CCBE1: variants seen among roughly 807,000 people sequenced by gnomAD.
CCBE1 encodes the protein collagen and calcium binding EGF domains 1.
In CCBE1, 37 loss-of-function variants were observed where a neutral mutation model predicts 50.0. The ratio of observed to expected loss-of-function variants is 0.74; its 90% CI spans 0.57 to 0.97. The LOEUF is 0.97. Ranked by LOEUF, CCBE1 falls within the 50% of genes least tolerant of loss-of-function variation. The pLI, the probability that CCBE1 is intolerant of heterozygous loss-of-function variation, is 0.00. For missense variants in CCBE1, 538 were observed against 523.8 expected, an observed-to-expected ratio of 1.03 and a Z score of -0.26; for synonymous variants, 234 against 203.7, an observed-to-expected ratio of 1.15 and a Z score of -1.27.
chr18:59,510,325 C>T (rs572349956), intron 2 of CCBE1, among the ~76,000 whole-genome samples: 194 of 152,294 alleles, frequency 1.3e-3, no homozygotes, highest in African/African-American at 4.5e-3. Flanking sequence ...AATTCTGCCA[C>T]CTCTACTGTT....
intron 2 of CCBE1, among the ~76,000 whole-genome samples, chr18:59,516,178 CA>C (rs965572918): frequency 1.3e-5 from 2 of 151,980 alleles, no homozygotes; most frequent in African/African-American, 4.8e-5. Context: ...AGTCTGGTCT[CA>C]AACTCCTGAC....
chr18:59,634,557 G>A (rs2053892354), intron 2 of CCBE1, among the ~76,000 whole-genome samples: 1 of 152,132 alleles, frequency 6.6e-6, no homozygotes, highest in African/African-American at 2.4e-5. Flanking sequence ...GAAAAATACC[G>A]AGGAAAGCAA....
At chr18:59,459,083 A>T (rs903064116) in intron 5 of CCBE1, 3 of 152,238 alleles carry the variant, frequency 2.0e-5, no homozygotes, top group Non-Finnish European at 4.4e-5. Flanking sequence ...AGCCAGTGAT[A>T]AGATATGTAG....
chr18:59,525,991 C>G (rs1914803746), intron 2 of CCBE1, among the ~76,000 whole-genome samples: 1 of 152,102 alleles, frequency 6.6e-6, no homozygotes, highest in African/African-American at 2.4e-5. Flanking sequence ...GTTAATGTAG[C>G]CTTGTAGTAT....
At chr18:59,645,993 T>C (rs1478084931) in intron 2 of CCBE1, among the ~76,000 whole-genome samples, 1 of 151,322 alleles carries the variant, frequency 6.6e-6, no homozygotes, top group Non-Finnish European at 1.5e-5. Context: ...ATTGCGCCAC[T>C]GCAGTCCAGC....
rs567017016 is a variant in CCBE1, at chr18:59,623,881, C to T, written c.212+72748G>A. 1.3e-4 allele frequency among the ~76,000 whole-genome samples: 20 copies of T among 152,246 alleles called. No individual in the cohort carries two copies. In the South Asian group the frequency reaches 3.5e-3, roughly 27 times the overall value. On this transcript the variant is annotated intron_variant, in intron 2 of 10. Transcript: ENST00000439986. ...AGCTGAAAATAGAAAAAGAAAGTCA[C>T]GAGCAGCTCCTCACTTTGGGAGAGA...
chr18:59,619,207 C>T (rs771765365), intron 2 of CCBE1, among the ~76,000 whole-genome samples: 6 of 152,084 alleles, frequency 3.9e-5, no homozygotes, highest in Non-Finnish European at 7.4e-5. Flanking sequence ...AATTTTAAAA[C>T]GTTTTATTTT....
intron 2 of CCBE1, among the ~76,000 whole-genome samples, chr18:59,576,128 C>A (rs2851855): frequency 0.17 from 25,250 of 152,132 alleles, 3,093 homozygotes; most frequent in African/African-American, 0.35. Flanking sequence ...TTTTATTGCC[C>A]AGTTAGTGTT....
intron 1 of CCBE1, 70 bp downstream of exon 1, chr18:59,697,142 C>A: frequency 1.3e-6 from 2 of 1,542,220 alleles, no homozygotes; most frequent in Non-Finnish European, 1.7e-6. Flanking sequence ...CGGGGAGGAC[C>A]GCCCGCACCC....
At chr18:59,606,351 ATGGC>A (rs1351162978) in intron 2 of CCBE1, among the ~76,000 whole-genome samples, 14 of 152,330 alleles carry the variant, frequency 9.2e-5, no homozygotes, top group Non-Finnish European at 1.5e-5. Flanking sequence ...CAATGTCCAC[ATGGC>A]AAACCGCAAA....
chr18:59,480,302 T>G (rs755130035), intron 2 of CCBE1, 64 bp from the exon 3 acceptor site: 18 of 1,261,194 alleles, frequency 1.4e-5, no homozygotes, highest in Non-Finnish European at 2.1e-5. Context: ...TTTCCAGTTA[T>G]TGTTGTTTGA....
chr18:59,567,403 G>C (rs2052846722), intron 2 of CCBE1, among the ~76,000 whole-genome samples: 1 of 152,158 alleles, frequency 6.6e-6, no homozygotes, highest in Non-Finnish European at 1.5e-5. Context: ...CAAAGTGTTG[G>C]GATTACAGGC....
At chr18:59,459,003 G>A (rs1444603065) in intron 5 of CCBE1, 1 of 152,142 alleles carries the variant, frequency 6.6e-6, no homozygotes, top group Non-Finnish European at 1.5e-5. Context: ...ACAAGTCATG[G>A]TTTCTGTGAA....
At chr18:59,671,503 A>G (rs1193812999) in intron 2 of CCBE1, among the ~76,000 whole-genome samples, 1 of 120,766 alleles carries the variant, frequency 8.3e-6, no homozygotes, top group African/African-American at 6.0e-5. Context: ...GTCTCAGAAA[A>G]AAAAAAAAAA....
At chr18:59,593,416 G>T (rs141155618) in intron 2 of CCBE1, among the ~76,000 whole-genome samples, 1 of 152,210 alleles carries the variant, frequency 6.6e-6, no homozygotes, top group African/African-American at 2.4e-5. Context: ...ATAGTAGATT[G>T]TAAGTATTGC....
intron 2 of CCBE1, among the ~76,000 whole-genome samples, chr18:59,512,158 A>C (rs1204597103): frequency 6.6e-6 from 1 of 152,206 alleles, no homozygotes; most frequent in African/African-American, 2.4e-5. Context: ...TGGTCCCTTT[A>C]AATGATACCA....
At chr18:59,635,534 A>G (rs970112413) in intron 2 of CCBE1, among the ~76,000 whole-genome samples, 12 of 151,980 alleles carry the variant, frequency 7.9e-5, no homozygotes, top group African/African-American at 2.4e-4. Flanking sequence ...TATATCCAAA[A>G]TACTGATTAA....
chr18:59,697,500 T>A, upstream of CCBE1: 1 of 943,132 alleles, frequency 1.1e-6, no homozygotes, highest in Non-Finnish European at 1.5e-6. Context: ...CGGAATATTA[T>A]GGGGCTGGGG....
At chr18:59,574,587 A>T (rs2052964448) in intron 2 of CCBE1, among the ~76,000 whole-genome samples, 1 of 152,252 alleles carries the variant, frequency 6.6e-6, no homozygotes, top group African/African-American at 2.4e-5. Context: ...TATAACTTTA[A>T]ACTTCTATAC....
Sources: gnomAD v4.1 joint callset for allele counts (sites outside exome capture counted in the v4.1 genomes callset) on GRCh38, gnomAD v4.1.1 for gene constraint, MANE v1.5 for transcripts, NCBI Gene and HGNC (gene_info 2026-07-23, HGNC 2026-07-21) for gene names.